The following PDZRN4 variants were observed in gnomAD, a reference collection of about 807,000 sequenced individuals.
PDZRN4 encodes the protein PDZ domain-containing RING finger protein 4.
A neutral mutation model predicts 99.0 loss-of-function variants in PDZRN4; 70 were observed. The ratio of observed to expected loss-of-function variants is 0.71; its 90% CI spans 0.58 to 0.86. The LOEUF (loss-of-function observed/expected upper bound fraction) is 0.86, where lower values mean the gene tolerates loss of function less well. Among genes scored for constraint, PDZRN4 ranks in the 40% least tolerant of loss-of-function variants. PDZRN4 has a pLI of 0.00. For synonymous variants in PDZRN4, 551 were observed against 501.6 expected (o/e 1.10, Z -1.32); for missense variants, 1,474 against 1,331.2 (o/e 1.11, Z -1.67).
intron 3 of PDZRN4, among the ~76,000 whole-genome samples, chr12:41,267,638 C>T (rs1951287095): frequency 1.3e-5 from 2 of 149,060 alleles, no homozygotes; most frequent in Non-Finnish European, 1.5e-5. Context: ...AGACCAGCCT[C>T]GCCAACATAA....
intron 3 of PDZRN4, among the ~76,000 whole-genome samples, chr12:41,456,203 T>A (rs1297673354): frequency 1.3e-5 from 2 of 152,226 alleles, no homozygotes; most frequent in African/African-American, 4.8e-5. Flanking sequence ...AGTCCAGTTA[T>A]CCCAGTTATA....
chr12:41,506,306 CTT>C (rs34543239), intron 3 of PDZRN4, 148 bp from the exon 4 acceptor site: 67,663 of 616,736 alleles, frequency 0.11, 4,074 homozygotes, highest in African/African-American at 0.15. Context: ...TTGGTAAAGA[CTT>C]CAGTAAATAT....
intron 3 of PDZRN4, among the ~76,000 whole-genome samples, chr12:41,208,494 T>G (rs1434823090): frequency 6.6e-6 from 1 of 151,968 alleles, no homozygotes; most frequent in Non-Finnish European, 1.5e-5. Context: ...ATTATTTTAA[T>G]CTTTGTCAAG....
chr12:41,562,915 T>C (rs1939297263), intron 7 of PDZRN4, among the ~76,000 whole-genome samples: 1 of 152,184 alleles, frequency 6.6e-6, no homozygotes, highest in Non-Finnish European at 1.5e-5. Flanking sequence ...ATTTCATTAG[T>C]TGTATTACTT....
At chr12:41,390,978 A>G (rs1199323377) in intron 3 of PDZRN4, among the ~76,000 whole-genome samples, 19 of 152,214 alleles carry the variant, frequency 1.2e-4, no homozygotes, top group Admixed American at 1.2e-3. Context: ...CAACTAGAAT[A>G]ATGGTATCTC....
At chr12:41,201,242 T>G (rs1950814232) in intron 3 of PDZRN4, among the ~76,000 whole-genome samples, 1 of 151,974 alleles carries the variant, frequency 6.6e-6, no homozygotes, top group Non-Finnish European at 1.5e-5. Flanking sequence ...TGCTTTTATT[T>G]GTTGTTTTCT....
At chr12:41,232,306 G>A (rs187802634) in intron 3 of PDZRN4, among the ~76,000 whole-genome samples, 2 of 152,158 alleles carry the variant, frequency 1.3e-5, no homozygotes, top group East Asian at 3.9e-4. Context: ...CTTCAGCAGA[G>A]GATGGTAAAT....
At chr12:41,353,633 G>A (rs1315339294) in intron 3 of PDZRN4, among the ~76,000 whole-genome samples, 1 of 152,038 alleles carries the variant, frequency 6.6e-6, no homozygotes, top group Non-Finnish European at 1.5e-5. Flanking sequence ...GCACTGGTGA[G>A]GAGGTGTGGC....
chr12:41,394,724 CA>C (rs1952233893), intron 3 of PDZRN4, among the ~76,000 whole-genome samples: 1 of 151,810 alleles, frequency 6.6e-6, no homozygotes, highest in African/African-American at 2.4e-5. Flanking sequence ...CATGCACCAT[CA>C]TAGATTTTCT....
At chr12:41,321,629 T>C (rs1951678387) in intron 3 of PDZRN4, among the ~76,000 whole-genome samples, 1 of 152,218 alleles carries the variant, frequency 6.6e-6, no homozygotes, top group Non-Finnish European at 1.5e-5. Context: ...TAGCATCTAC[T>C]CCTTTGCTTT....
At chr12:41,348,984 G>A (rs1020687216) in intron 3 of PDZRN4, among the ~76,000 whole-genome samples, 1 of 151,674 alleles carries the variant, frequency 6.6e-6, no homozygotes, top group Admixed American at 6.6e-5. Context: ...TTTTATTCTT[G>A]TCATGATTTT....
chr12:41,445,777 C>A (rs887239420), intron 3 of PDZRN4, among the ~76,000 whole-genome samples: 1 of 152,018 alleles, frequency 6.6e-6, no homozygotes, highest in African/African-American at 2.4e-5. Flanking sequence ...AGGGCATGCA[C>A]CTTGAGAATT....
intron 3 of PDZRN4, among the ~76,000 whole-genome samples, chr12:41,342,323 G>A (rs1343960624): frequency 1.3e-5 from 2 of 151,590 alleles, no homozygotes; most frequent in Non-Finnish European, 3.0e-5. Flanking sequence ...CCAGAAGCGC[G>A]GGCAACAAAA....
intron 7 of PDZRN4, among the ~76,000 whole-genome samples, chr12:41,558,732 G>T (rs1457641752): frequency 6.6e-6 from 1 of 152,142 alleles, no homozygotes; most frequent in Non-Finnish European, 1.5e-5. Context: ...TTTATATTCT[G>T]TGACAAATAT....
At chr12:41,521,403 G>GA (rs1019845114) in intron 5 of PDZRN4, among the ~76,000 whole-genome samples, 7 of 151,586 alleles carry the variant, frequency 4.6e-5, no homozygotes, top group Admixed American at 1.3e-4. Flanking sequence ...AGCTTGTTGG[G>GA]AAAAAAAAGT....
At chr12:41,245,767 A>G (rs1327188525) in intron 3 of PDZRN4, among the ~76,000 whole-genome samples, 1 of 152,218 alleles carries the variant, frequency 6.6e-6, no homozygotes, top group African/African-American at 2.4e-5. Flanking sequence ...AGGAAACAGT[A>G]TTTAGACTGA....
At chr12:41,389,584 C>T (rs1026585649) in intron 3 of PDZRN4, among the ~76,000 whole-genome samples, 3 of 152,160 alleles carry the variant, frequency 2.0e-5, no homozygotes, top group Non-Finnish European at 2.9e-5. Flanking sequence ...TTATCTAGTG[C>T]AATCTACTCT....
chr12:41,240,611 T>G (rs1225072059), intron 3 of PDZRN4, among the ~76,000 whole-genome samples: 1 of 152,170 alleles, frequency 6.6e-6, no homozygotes, highest in Non-Finnish European at 1.5e-5. Context: ...ATTAGGTGGC[T>G]TATAAACAAT....
intron 3 of PDZRN4, among the ~76,000 whole-genome samples, chr12:41,290,760 A>G (rs192508931): frequency 7.4e-4 from 113 of 152,240 alleles, no homozygotes; most frequent in Middle Eastern, 3.4e-3. Flanking sequence ...GAGAAGGAAT[A>G]ACCGGTCATT....
Sources: gnomAD v4.1 joint callset for allele counts (sites outside exome capture counted in the v4.1 genomes callset) on GRCh38, gnomAD v4.1.1 for gene constraint, MANE v1.5 for transcripts, NCBI Gene and HGNC (gene_info 2026-07-23, HGNC 2026-07-21) for gene names.